COMMD1: variants seen among roughly 807,000 people sequenced by gnomAD.
COMMD1 encodes the protein COMM domain-containing protein 1.
Under a neutral mutation model 17.2 loss-of-function variants are expected in COMMD1, and 10 were observed. The ratio of observed to expected loss-of-function variants is 0.58; its 90% CI spans 0.36 to 0.99. COMMD1 has a LOEUF of 0.99. COMMD1 is among the 50% of genes least tolerant of loss of function. The pLI is 0.01. For missense variants in COMMD1, 270 were observed against 231.8 expected (o/e 1.17, Z -1.07); for synonymous variants, 97 against 91.6 (o/e 1.06, Z -0.34).
At chr2:62,033,311 T>A (rs1230884824) in intron 2 of COMMD1, among the ~76,000 whole-genome samples, 4 of 152,272 alleles carry the variant, frequency 2.6e-5, no homozygotes, top group African/African-American at 9.6e-5. Flanking sequence ...AGATGACTTC[T>A]GCTGATACAG....
At chr2:61,917,823 G>A (rs750704723) in intron 1 of COMMD1, among the ~76,000 whole-genome samples, 3 of 152,198 alleles carry the variant, frequency 2.0e-5, no homozygotes, top group African/African-American at 4.8e-5. Context: ...GAGCCACTGC[G>A]CCCGGCCTCG....
intron 1 of COMMD1, among the ~76,000 whole-genome samples, chr2:61,936,386 TAA>T (rs1670608799): frequency 6.6e-6 from 1 of 152,168 alleles, no homozygotes; most frequent in Admixed American, 6.5e-5. Flanking sequence ...CATTCGAATA[TAA>T]GAGTAATTAT....
intron 2 of COMMD1, among the ~76,000 whole-genome samples, chr2:62,014,907 C>T (rs1053906434): frequency 1.3e-5 from 2 of 151,870 alleles, no homozygotes; most frequent in East Asian, 1.9e-4. Context: ...GTATTAAGTA[C>T]AGCCCAGTGG....
chr2:61,975,722 C>T (rs1671783331), intron 1 of COMMD1, among the ~76,000 whole-genome samples: 2 of 152,032 alleles, frequency 1.3e-5, no homozygotes, highest in Admixed American at 1.3e-4. Flanking sequence ...TCTTCTTTGA[C>T]CTTTATATTA....
intron 1 of COMMD1, among the ~76,000 whole-genome samples, chr2:61,889,133 C>A (rs1669348785): frequency 6.7e-6 from 1 of 150,348 alleles, no homozygotes; most frequent in East Asian, 2.0e-4. Context: ...GAACTCCCGA[C>A]CTCAGGTGAT....
chr2:61,920,668 A>G (rs1392633818), intron 1 of COMMD1, among the ~76,000 whole-genome samples: 3 of 152,054 alleles, frequency 2.0e-5, no homozygotes, highest in African/African-American at 7.2e-5. Context: ...TACTGGGTAA[A>G]AGTAACCTGG....
At chr2:61,965,978 G>A (rs13428712) in intron 1 of COMMD1, among the ~76,000 whole-genome samples, 17,614 of 152,146 alleles carry the variant, frequency 0.12, 2,429 homozygotes, top group African/African-American at 0.33. Flanking sequence ...TTATAGCTAA[G>A]CATACCTCCT....
intron 2 of COMMD1, among the ~76,000 whole-genome samples, chr2:62,072,837 G>A (rs770498205): frequency 3.7e-4 from 56 of 152,222 alleles, no homozygotes; most frequent in Non-Finnish European, 7.1e-4. Flanking sequence ...CCAGAGTCTG[G>A]AGCTGTCTGC....
In COMMD1 at chr2:62,000,641, C is replaced by T; in HGVS notation, c.181-60C>T. ...CAAAATATAATCTGTAGTTAAGAAG[C>T]TATCTTTTTCTAATTACCTATTTAA... On this transcript the variant is annotated intron_variant, in intron 1 of 2. Coordinates refer to ENST00000311832, the MANE Select transcript of COMMD1 (RefSeq NM_152516.4). The T allele has an allele frequency of 6.8e-6, 10 of 1,472,748 alleles. No individual in the cohort carries two copies. The South Asian group carries it at 9.1e-5, about 13-fold the overall frequency. 91.2% of individuals were successfully genotyped at this position (1,472,748 alleles called of 1,614,324 possible). A position where few individuals can be genotyped will look rare whatever the true frequency, so the allele number is the denominator to read the frequency against.
intron 2 of COMMD1, among the ~76,000 whole-genome samples, chr2:62,095,252 T>C (rs1671968268): frequency 6.6e-6 from 1 of 152,302 alleles, no homozygotes; most frequent in Non-Finnish European, 1.5e-5. Flanking sequence ...AACAAAAATA[T>C]GCGAAACATT....
chr2:61,941,820 T>C (rs1041714830), intron 1 of COMMD1, among the ~76,000 whole-genome samples: 1 of 152,318 alleles, frequency 6.6e-6, no homozygotes, highest in East Asian at 1.9e-4. Flanking sequence ...TCCCTTACTA[T>C]AAAAGTTTCT....
intron 2 of COMMD1, among the ~76,000 whole-genome samples, chr2:62,121,950 C>T (rs968986362): frequency 7.9e-5 from 12 of 152,078 alleles, no homozygotes; most frequent in African/African-American, 2.2e-4. Context: ...CACCACCGTG[C>T]CCAGCTAATT....
At chr2:61,930,654 T>TGTGA (rs1184508971) in intron 1 of COMMD1, among the ~76,000 whole-genome samples, 1 of 143,710 alleles carries the variant, frequency 7.0e-6, no homozygotes, top group Non-Finnish European at 1.5e-5. Context: ...TGTGTGTGTG[T>TGTGA]GTGAGTGAGT....
At chr2:61,972,552 G>A (rs1009958210) in intron 1 of COMMD1, among the ~76,000 whole-genome samples, 1 of 152,152 alleles carries the variant, frequency 6.6e-6, no homozygotes, top group Non-Finnish European at 1.5e-5. Context: ...AGGTGATCAA[G>A]ATTAACATTA....
At chr2:61,965,043 AT>A (rs1189031294) in intron 1 of COMMD1, among the ~76,000 whole-genome samples, 1 of 152,172 alleles carries the variant, frequency 6.6e-6, no homozygotes, top group African/African-American at 2.4e-5. Context: ...CTCAAAAAAA[AT>A]TAAAAAAAAA....
At chr2:61,947,136 AAGT>A (rs1243204199) in intron 1 of COMMD1, among the ~76,000 whole-genome samples, 1 of 152,322 alleles carries the variant, frequency 6.6e-6, no homozygotes, top group Admixed American at 6.5e-5. Context: ...ATGTTGTCAA[AAGT>A]AGATGTTTAC....
chr2:61,975,174 TGGGAACTCTTAGATAAGCTCA>T (rs1671768255), intron 1 of COMMD1, among the ~76,000 whole-genome samples: 1 of 148,484 alleles, frequency 6.7e-6, no homozygotes, highest in Non-Finnish European at 1.5e-5. Flanking sequence ...TTTTCCTCTT[TGGGAACTCTTAGATAAGCTCA>T]TTTCTTTTTA....
At chr2:61,975,912 A>T (rs1406712515) in intron 1 of COMMD1, among the ~76,000 whole-genome samples, 1 of 152,176 alleles carries the variant, frequency 6.6e-6, no homozygotes, top group East Asian at 1.9e-4. Context: ...TCGTTGTTCC[A>T]TGTGAGTTTG....
At chr2:62,066,331 T>G (rs911141986) in intron 2 of COMMD1, among the ~76,000 whole-genome samples, 2 of 151,888 alleles carry the variant, frequency 1.3e-5, no homozygotes, top group Non-Finnish European at 2.9e-5. Context: ...GAGGGCAAAG[T>G]GATAATGAAA....
Sources: allele counts gnomAD v4.1 joint callset (sites outside exome capture counted in the v4.1 genomes callset), GRCh38; gene constraint gnomAD v4.1.1; transcripts MANE v1.5; gene names NCBI Gene and HGNC (gene_info 2026-07-23, HGNC 2026-07-21).